NUP188: variants seen among roughly 807,000 people sequenced by gnomAD.
NUP188 encodes nucleoporin 188, also known as nucleoporin NUP188.
Under a neutral mutation model 223.0 loss-of-function variants are expected in NUP188, and 97 were observed. That is an observed-to-expected ratio of 0.43 (90% CI 0.37 to 0.51). The LOEUF is 0.51. Among genes scored for constraint, NUP188 ranks in the 20% least tolerant of loss-of-function variants. NUP188 has a pLI of 0.00. For synonymous variants in NUP188, 869 were observed against 828.0 expected (o/e 1.05, Z -0.85); for missense variants, 1,947 against 2,175.6 (o/e 0.89, Z 2.09).
chr9:128,970,003 C>T (rs1372427863), intron 10 of NUP188, among the ~76,000 whole-genome samples: 1 of 152,158 alleles, frequency 6.6e-6, no homozygotes, highest in Non-Finnish European at 1.5e-5. Flanking sequence ...TCTCGGCTCA[C>T]TGCAACCTCC....
intron 8 of NUP188, among the ~76,000 whole-genome samples, chr9:128,961,337 TA>T (rs1033157179): frequency 2.9e-5 from 4 of 136,514 alleles, no homozygotes; most frequent in African/African-American, 5.6e-5. Flanking sequence ...CTCAGAAAAA[TA>T]AAAATAAAAA....
intron 34 of NUP188, among the ~76,000 whole-genome samples, chr9:129,000,448 A>G (rs1161136949): frequency 6.6e-6 from 1 of 152,038 alleles, no homozygotes; most frequent in Non-Finnish European, 1.5e-5. Context: ...CCACCCGAGT[A>G]GCTGGGGCTA....
chr9:128,952,810 G>C lies in NUP188; in HGVS notation c.125G>C (p.Arg42Pro), dbSNP rs754544205. 6.2e-7 allele frequency: 1 copy of C among 1,613,762 alleles called. No homozygotes were observed. Among genetic ancestry groups the C allele is most frequent in the Admixed American group, 1.7e-5 (1 of 59,984 alleles). Reference protein sequence around the residue: ...IEAELNKHWRRLLEGLSYYKP... With the variant: ...IEAELNKHWRPLLEGLSYYKP... ...GCAGAACTGAATAAACATTGGCGGC[G>C]ATTGTTAGAGGGGCTTTCTTACTAC... Residue 42 changes from arginine (R) to proline (P), a missense_variant, in exon 3 of 44, where the codon CGA (arginine) becomes CCA (proline). This residue lies in a region of NUP188 where 817 missense variants were observed against 865.8 expected (regional missense o/e 0.94). Coordinates refer to ENST00000372577, the MANE Select transcript of NUP188 (RefSeq NM_015354.3).
chr9:128,960,336 G>T (rs1841930669), intron 8 of NUP188, among the ~76,000 whole-genome samples: 1 of 151,836 alleles, frequency 6.6e-6, no homozygotes, highest in South Asian at 2.1e-4. Context: ...CTCCCAAAGT[G>T]CTGGGATTAC....
At chr9:128,994,499 G>A (rs1842484973) in intron 28 of NUP188, 57 bp downstream of exon 28, 2 of 1,228,150 alleles carry the variant, frequency 1.6e-6, no homozygotes, top group African/African-American at 1.5e-5. Flanking sequence ...GAAAGGCTGT[G>A]GGCTGTGAGA....
Position 128,973,256 on chromosome 9 carries a change from G to C in NUP188, c.1203+7G>C, listed in dbSNP as rs375078246. 2 of 1,610,506 alleles carry C rather than the reference G, an allele frequency of 1.2e-6. No individual in the cohort carries two copies. Among genetic ancestry groups the C allele is most frequent in the Non-Finnish European group, 1.7e-6 (2 of 1,178,272 alleles). ...CACCCTGGGCAATCAGCAGGTCAGTGTCTGGCTTTCATGAAGCTGTCTCTA... is the reference window on the plus strand; with the variant it reads ...CACCCTGGGCAATCAGCAGGTCAGTCTCTGGCTTTCATGAAGCTGTCTCTA... On this transcript the variant is annotated splice_region_variant and intron_variant, in intron 12 of 43. Coordinates refer to ENST00000372577, the MANE Select transcript of NUP188 (RefSeq NM_015354.3).
intron 2 of NUP188, 25 bp from the exon 3 acceptor site, chr9:128,952,748 G>A (rs1239409801): frequency 1.9e-6 from 3 of 1,559,126 alleles, no homozygotes; most frequent in Non-Finnish European, 2.6e-6. Context: ...TACTGCATTT[G>A]TATAATTACC....
rs773439485 is a variant in NUP188, at chr9:129,001,712, C to A, written c.4027C>A (p.Leu1343Met). The A allele has an allele frequency of 3.5e-5, 57 of 1,613,596 alleles. No homozygotes were observed. The highest frequency in any genetic ancestry group is 4.8e-5 in the Non-Finnish European group (57 of 1,179,944). Residue 1343 changes from leucine to methionine, a missense_variant, in exon 35 of 44, where the codon CTG (leucine) becomes ATG (methionine). Leu to Met is a conservative substitution (Grantham distance 15, BLOSUM62 2). Coordinates refer to ENST00000372577, the MANE Select transcript of NUP188 (RefSeq NM_015354.3). ...TEATLHLLLT[L>M]ARTQQGATAV... The stretch of plus-strand genomic sequence containing the variant: ...GGCCACATTGCATCTGCTCCTCACC[C>A]TGGCTCGCACTCAGCAGGTAGGAGG...
intron 12 of NUP188, among the ~76,000 whole-genome samples, chr9:128,978,445 C>T (rs1438805501): frequency 6.6e-6 from 1 of 150,760 alleles, no homozygotes; most frequent in Non-Finnish European, 1.5e-5. Flanking sequence ...CGCCTGTAGT[C>T]CCAGCTACTC....
chr9:128,982,511 A>C, intron 15 of NUP188, 38 bp from the exon 16 acceptor site: 1 of 1,547,992 alleles, frequency 6.5e-7, no homozygotes, highest in Non-Finnish European at 8.8e-7. Flanking sequence ...TTTTTTATTT[A>C]TCCTCAGATA....
chr9:128,970,662 CTT>C (rs1198550771), intron 10 of NUP188, 94 bp from the exon 11 acceptor site: 4 of 1,040,502 alleles, frequency 3.8e-6, no homozygotes, highest in Non-Finnish European at 4.4e-6. Context: ...TGAGGCCACT[CTT>C]TATGGCTTGC....
At chr9:128,954,771 C>T (rs1304226293) in intron 3 of NUP188, among the ~76,000 whole-genome samples, 1 of 151,840 alleles carries the variant, frequency 6.6e-6, no homozygotes, top group Non-Finnish European at 1.5e-5. Flanking sequence ...AGTATGCCCC[C>T]AATTTGGGTT....
intron 11 of NUP188, among the ~76,000 whole-genome samples, chr9:128,971,205 T>C (rs1449753714): frequency 6.6e-6 from 1 of 152,152 alleles, no homozygotes; most frequent in Non-Finnish European, 1.5e-5. Context: ...CTCAGAGAGA[T>C]GTAATTTGCC....
chr9:128,998,468 C>T lies in NUP188; in HGVS notation c.3430-70C>T, dbSNP rs557220621. 1 of 1,351,054 alleles carries T rather than the reference C, an allele frequency of 7.4e-7. No homozygotes were observed. Among genetic ancestry groups the T allele is most frequent in the African/African-American group, 1.4e-5 (1 of 69,780 alleles). 83.7% of individuals were successfully genotyped at this position (1,351,054 alleles called of 1,614,324 possible). On this transcript the variant is annotated intron_variant, in intron 31 of 43. Transcript: ENST00000372577. ...CTGCTGGGGAAGAAAGGCAATGAGG[C>T]CGGAGGTGCCCTGTGGATGGCATGC...
chr9:128,957,472 C>CT (rs924245267), intron 5 of NUP188, among the ~76,000 whole-genome samples: 41 of 148,278 alleles, frequency 2.8e-4, no homozygotes, highest in South Asian at 4.3e-4. Context: ...GGTAGAGTTT[C>CT]TTTTTTTTTT....
At chr9:128,973,792 T>C (rs1025348145) in intron 12 of NUP188, among the ~76,000 whole-genome samples, 3 of 152,222 alleles carry the variant, frequency 2.0e-5, no homozygotes, top group Non-Finnish European at 4.4e-5. Context: ...TTGATAACAT[T>C]TTGATGTATT....
intron 1 of NUP188, chr9:128,948,389 C>G (rs952606905): frequency 6.6e-6 from 1 of 152,192 alleles, no homozygotes; most frequent in Non-Finnish European, 1.5e-5. Flanking sequence ...ATATTATATA[C>G]GAAAACTACA....
Position 128,959,146 on chromosome 9 carries a change from C to T in NUP188, c.585+12C>T. ...ATGGAAATCTCATGGTATGTGGTTA[C>T]TGTGCTCTCCTGTAACTTTTTTTTT... On this transcript the variant is annotated intron_variant, in intron 8 of 43. Coordinates refer to ENST00000372577, the MANE Select transcript of NUP188 (RefSeq NM_015354.3). 1 of 1,559,642 alleles carries T rather than the reference C, an allele frequency of 6.4e-7. No individual in the cohort carries two copies. Among genetic ancestry groups the T allele is most frequent in the Non-Finnish European group, 8.7e-7 (1 of 1,155,834 alleles).
intron 8 of NUP188, among the ~76,000 whole-genome samples, chr9:128,962,040 A>G (rs1443018086): frequency 1.3e-5 from 2 of 151,400 alleles, no homozygotes; most frequent in South Asian, 2.1e-4. Context: ...GGGTCAAGCA[A>G]TTCTCCTGCC....
Sources: gnomAD v4.1 joint callset for allele counts (sites outside exome capture counted in the v4.1 genomes callset) on GRCh38, gnomAD v4.1.1 for gene constraint, gnomAD v4.1.1 regional missense constraint, MANE v1.5 for transcripts, NCBI Gene and HGNC (gene_info 2026-07-23, HGNC 2026-07-21) for gene names.